The following TOPAZ1 variants were observed in gnomAD, a reference collection of about 807,000 sequenced individuals.
TOPAZ1 encodes testis and ovary specific TOPAZ 1, also known as protein TOPAZ1.
TOPAZ1 carries 66 observed loss-of-function variants against 172.2 expected under a neutral mutation model. That is an observed-to-expected ratio of 0.38 (90% CI 0.31 to 0.47). The LOEUF (loss-of-function observed/expected upper bound fraction) is 0.47, where lower values mean the gene tolerates loss of function less well. Among genes scored for constraint, TOPAZ1 ranks in the 20% least tolerant of loss-of-function variants. The pLI is 0.99. For synonymous variants in TOPAZ1, 681 were observed against 683.9 expected (o/e 1.00, Z 0.07); for missense variants, 1,822 against 1,972.4 (o/e 0.92, Z 1.44).
chr3:44,287,021 C>T (rs772217694), intron 9 of TOPAZ1, among the ~76,000 whole-genome samples: 7 of 152,192 alleles, frequency 4.6e-5, no homozygotes, highest in Non-Finnish European at 8.8e-5. Context: ...AAACAGTCTG[C>T]ATCCATCACC....
At chr3:44,296,415 C>A (rs1700194651) in intron 12 of TOPAZ1, among the ~76,000 whole-genome samples, 2 of 65,758 alleles carry the variant, frequency 3.0e-5, no homozygotes, top group African/African-American at 5.9e-5. Flanking sequence ...AAGCCTCTAG[C>A]AAGACTAAAA....
chr3:44,296,852 AAAAAAAAAAAAAG>A (rs1159063134), intron 12 of TOPAZ1, among the ~76,000 whole-genome samples: 1,969 of 122,768 alleles, frequency 0.016, 48 homozygotes, highest in African/African-American at 0.057. Context: ...AATACCAAAA[AAAAAAAAAAAAAG>A]AAAAAAAAAA....
intron 15 of TOPAZ1, among the ~76,000 whole-genome samples, chr3:44,306,736 A>G (rs1290723186): frequency 6.6e-6 from 1 of 152,168 alleles, no homozygotes; most frequent in Non-Finnish European, 1.5e-5. Context: ...AAAAATAAAT[A>G]AAATCTCAGT....
chr3:44,328,593 T>C (rs1700629410), intron 19 of TOPAZ1, among the ~76,000 whole-genome samples, 160 bp downstream of exon 19: 1 of 152,192 alleles, frequency 6.6e-6, no homozygotes, highest in African/African-American at 2.4e-5. Flanking sequence ...TCTGATATCA[T>C]TTAAACTAAG....
Position 44,249,419 on chromosome 3 carries a change from C to T in TOPAZ1, c.2765+4148C>T, listed in dbSNP as rs148601118. On this transcript the variant is annotated intron_variant, in intron 2 of 19. Coordinates refer to ENST00000309765, the MANE Select transcript of TOPAZ1 (RefSeq NM_001145030.2). ...CAAAGAAGAAGGAAAGAAGTTTGGT[C>T]GGGAAGGAGAAATAATGAGGAATAT... Among the ~76,000 whole-genome samples the T allele has an allele frequency of 2.1e-3, 317 of 152,026 alleles. 1 individual carries two copies. Among genetic ancestry groups the T allele is most frequent in the African/African-American group, 6.5e-3 (268 of 41,462 alleles).
At chr3:44,260,528 G>A (rs921088619) in intron 4 of TOPAZ1, among the ~76,000 whole-genome samples, 2 of 151,894 alleles carry the variant, frequency 1.3e-5, no homozygotes, top group Admixed American at 6.6e-5. Context: ...GTTTTTTGGT[G>A]TTACTTATTA....
Position 44,328,127 on chromosome 3 carries a change from TTAATCTA to T in TOPAZ1, c.4676-122_4676-116del. ...CTAGGATAAGCTATCATGTAATTTGTTAATCTACTTCTAATGTGAAGACTTATTCTGT... is the reference window on the plus strand; with the variant it reads ...CTAGGATAAGCTATCATGTAATTTGTCTTCTAATGTGAAGACTTATTCTGT... On this transcript the variant is annotated intron_variant, in intron 18 of 19. Coordinates refer to ENST00000309765, the MANE Select transcript of TOPAZ1 (RefSeq NM_001145030.2). 3 of 563,286 alleles carry T rather than the reference TTAATCTA, an allele frequency of 5.3e-6. No homozygotes were observed. The South Asian group carries it at 9.4e-5, about 18-fold the overall frequency. 34.9% of individuals were successfully genotyped at this position (563,286 alleles called of 1,614,324 possible).
chr3:44,326,153 C>T (rs1700598632), intron 18 of TOPAZ1, among the ~76,000 whole-genome samples: 3 of 152,120 alleles, frequency 2.0e-5, no homozygotes, highest in Non-Finnish European at 4.4e-5. Flanking sequence ...TGTATATATG[C>T]ATTCATTTCT....
intron 2 of TOPAZ1, among the ~76,000 whole-genome samples, chr3:44,251,510 C>A (rs1699630702): frequency 6.6e-6 from 1 of 152,112 alleles, no homozygotes; most frequent in Non-Finnish European, 1.5e-5. Flanking sequence ...TTGCCAATTA[C>A]CCACAATAAA....
At chr3:44,253,293 T>G (rs1043776639) in intron 2 of TOPAZ1, among the ~76,000 whole-genome samples, 11 of 152,198 alleles carry the variant, frequency 7.2e-5, no homozygotes, top group African/African-American at 2.7e-4. Flanking sequence ...TGGAAAGACT[T>G]TTAAATAAGA....
intron 16 of TOPAZ1, among the ~76,000 whole-genome samples, chr3:44,315,200 C>CGTGTGT (rs71089096): frequency 4.0e-5 from 6 of 150,096 alleles, no homozygotes; most frequent in Admixed American, 1.3e-4. Context: ...TTTGAAAGAA[C>CGTGTGT]GTGTGTGTGT....
At chr3:44,285,405 G>T (rs1700066911) in intron 9 of TOPAZ1, among the ~76,000 whole-genome samples, 1 of 152,070 alleles carries the variant, frequency 6.6e-6, no homozygotes, top group Admixed American at 6.5e-5. Context: ...GGCAGAGGTT[G>T]CAGTGAGCCG....
At chr3:44,319,099 C>G (rs1041767848) in intron 16 of TOPAZ1, among the ~76,000 whole-genome samples, 50 of 152,046 alleles carry the variant, frequency 3.3e-4, no homozygotes, top group African/African-American at 1.2e-3. Flanking sequence ...ACCCCTTCCC[C>G]CACGGCCAGG....
intron 16 of TOPAZ1, among the ~76,000 whole-genome samples, chr3:44,320,545 C>G (rs1466458990): frequency 1.3e-5 from 2 of 152,050 alleles, no homozygotes; most frequent in African/African-American, 4.8e-5. Flanking sequence ...TTGCAGTGAG[C>G]CAAGATTGCG....
At chr3:44,279,918 A>T (rs1426401386) in intron 8 of TOPAZ1, among the ~76,000 whole-genome samples, 1 of 151,978 alleles carries the variant, frequency 6.6e-6, no homozygotes, top group Non-Finnish European at 1.5e-5. Context: ...GCCTATCTGT[A>T]GTGCTAACAT....
At chr3:44,298,180 T>C (rs1336810761) in intron 12 of TOPAZ1, among the ~76,000 whole-genome samples, 2 of 152,126 alleles carry the variant, frequency 1.3e-5, no homozygotes, top group African/African-American at 4.8e-5. Flanking sequence ...TAAAAAAGAA[T>C]AGGCTGGGTG....
chr3:44,262,396 ATT>A (rs1402562710), intron 4 of TOPAZ1, 21 bp from the exon 5 acceptor site: 1 of 1,344,734 alleles, frequency 7.4e-7, no homozygotes, highest in Non-Finnish European at 1.0e-6. Context: ...ACTTGTACTT[ATT>A]TAACCATAAT....
At chr3:44,314,858 T>C (rs1407611621) in intron 16 of TOPAZ1, among the ~76,000 whole-genome samples, 1 of 152,192 alleles carries the variant, frequency 6.6e-6, no homozygotes, top group African/African-American at 2.4e-5. Flanking sequence ...TTAGATGTTG[T>C]TGATTCTGCC....
At chr3:44,300,676 A>T (rs1226781634) in intron 12 of TOPAZ1, among the ~76,000 whole-genome samples, 2 of 152,172 alleles carry the variant, frequency 1.3e-5, no homozygotes, top group East Asian at 3.9e-4. Flanking sequence ...AGAATATAAA[A>T]TGGTACAGCC....
Sources: gnomAD v4.1 joint callset for allele counts (sites outside exome capture counted in the v4.1 genomes callset) on GRCh38, gnomAD v4.1.1 for gene constraint, MANE v1.5 for transcripts, NCBI Gene and HGNC (gene_info 2026-07-23, HGNC 2026-07-21) for gene names.